Variants in CCDC91 observed in about 807,000 individuals in gnomAD.
CCDC91 encodes the protein coiled-coil domain containing 91.
A neutral mutation model predicts 63.2 loss-of-function variants in CCDC91; 48 were observed. The observed-to-expected ratio is 0.76, with a 90% CI of 0.60 to 0.97. The LOEUF (loss-of-function observed/expected upper bound fraction) is 0.97, where lower values mean the gene tolerates loss of function less well. Among genes scored for constraint, CCDC91 ranks in the 50% least tolerant of loss-of-function variants. CCDC91 has a pLI of 0.00. For synonymous variants in CCDC91, 167 were observed against 165.8 expected, an observed-to-expected ratio of 1.01 and a Z score of -0.06; for missense variants, 500 against 494.6, an observed-to-expected ratio of 1.01 and a Z score of -0.10.
intron 12 of CCDC91, among the ~76,000 whole-genome samples, chr12:28,491,345 G>C (rs1365124529): frequency 6.6e-6 from 1 of 151,676 alleles, no homozygotes; most frequent in Non-Finnish European, 1.5e-5. Flanking sequence ...AGTTGTGCGA[G>C]ACCAGAAGCA....
chr12:28,240,831 A>T (rs1592079898), intron 1 of CCDC91, among the ~76,000 whole-genome samples: 1 of 152,194 alleles, frequency 6.6e-6, no homozygotes, highest in African/African-American at 2.4e-5. Flanking sequence ...ATGAACAATC[A>T]TGTACTGATT....
chr12:28,417,573 A>G (rs1947744126), intron 8 of CCDC91, among the ~76,000 whole-genome samples: 1 of 151,508 alleles, frequency 6.6e-6, no homozygotes, highest in Non-Finnish European at 1.5e-5. Context: ...GCATAAATGT[A>G]TATATTAAAA....
intron 1 of CCDC91, among the ~76,000 whole-genome samples, chr12:28,254,772 C>CTTTTTT (rs34812000): frequency 1.6e-5 from 2 of 128,828 alleles, no homozygotes; most frequent in Non-Finnish European, 3.2e-5. Flanking sequence ...GTATCATCTG[C>CTTTTTT]TTTTTTTTTT....
intron 1 of CCDC91, among the ~76,000 whole-genome samples, chr12:28,231,804 G>A (rs1255751948): frequency 6.6e-6 from 1 of 152,114 alleles, no homozygotes; most frequent in African/African-American, 2.4e-5. Flanking sequence ...AGTGGCTGGA[G>A]ATATCACATA....
At chr12:28,244,350 A>G in intron 1 of CCDC91, among the ~76,000 whole-genome samples, 1 of 152,166 alleles carries the variant, frequency 6.6e-6, no homozygotes, top group East Asian at 1.9e-4. Context: ...AGATTCTCTT[A>G]AAGTCAGAAA....
chr12:28,247,640 G>C (rs568075857), intron 1 of CCDC91, among the ~76,000 whole-genome samples: 8 of 152,286 alleles, frequency 5.3e-5, no homozygotes, highest in African/African-American at 1.9e-4. Context: ...TTTGGAGTTT[G>C]ATGCTATAAA....
chr12:28,261,455 A>G (rs1391670881), intron 3 of CCDC91, among the ~76,000 whole-genome samples: 2 of 151,942 alleles, frequency 1.3e-5, no homozygotes, highest in East Asian at 3.8e-4. Flanking sequence ...TAGTGCTGCA[A>G]CACAGAAATT....
At chr12:28,219,500 C>G (rs1774446936) in intron 1 of CCDC91, among the ~76,000 whole-genome samples, 1 of 124,166 alleles carries the variant, frequency 8.1e-6, no homozygotes, top group African/African-American at 3.2e-5. Flanking sequence ...GAGATGGAGT[C>G]TCACTCTTTC....
intron 11 of CCDC91, among the ~76,000 whole-genome samples, chr12:28,460,414 G>A (rs1322045453): frequency 2.6e-5 from 4 of 152,118 alleles, no homozygotes; most frequent in African/African-American, 4.8e-5. Flanking sequence ...ATGTGCTAAG[G>A]AGTAAAGAGG....
At chr12:28,259,466 T>A in intron 3 of CCDC91, 24 bp downstream of exon 3, 2 of 740,198 alleles carry the variant, frequency 2.7e-6, no homozygotes, top group Non-Finnish European at 3.8e-6. Flanking sequence ...GGAATTAGGG[T>A]TTTTTTTTTT....
At chr12:28,508,997 T>C (rs968544010) in intron 12 of CCDC91, among the ~76,000 whole-genome samples, 8 of 152,100 alleles carry the variant, frequency 5.3e-5, no homozygotes, top group African/African-American at 1.7e-4. Context: ...TCCATCATTC[T>C]GTTAGGCCAG....
chr12:28,488,968 A>T (rs1482557339), intron 12 of CCDC91, among the ~76,000 whole-genome samples: 1 of 151,930 alleles, frequency 6.6e-6, no homozygotes, highest in East Asian at 1.9e-4. Context: ...TTTAATTGAA[A>T]CATACATTCA....
intron 1 of CCDC91, among the ~76,000 whole-genome samples, chr12:28,193,034 A>G (rs1175022210): frequency 2.6e-5 from 4 of 152,128 alleles, no homozygotes; most frequent in African/African-American, 4.8e-5. Context: ...CTTTCACTTA[A>G]TGCTTTGATT....
chr12:28,539,753 A>T (rs568070062), intron 12 of CCDC91, among the ~76,000 whole-genome samples: 31 of 152,252 alleles, frequency 2.0e-4, no homozygotes, highest in African/African-American at 7.0e-4. Flanking sequence ...CAGTGATTTT[A>T]AGAGTACCGA....
rs187410062 is a variant in CCDC91, at chr12:28,281,693, G to A, written c.109+22251G>A. On this transcript the variant is annotated intron_variant, in intron 3 of 12. Coordinates refer to ENST00000536442, the MANE Select transcript of CCDC91 (RefSeq NM_018318.5). ...CTATAATAATTATTATTTTTCCTTA[G>A]TCTGCCATTAGCAACAGTGTTGTTA... Among the ~76,000 whole-genome samples the A allele has an allele frequency of 1.1e-4, 16 of 152,084 alleles. No individual in the cohort carries two copies. In the East Asian group the frequency reaches 2.5e-3, roughly 24 times the overall value.
rs1478602493 is a variant in CCDC91 at position 28,452,516 on chromosome 12, C to T, written c.963C>T (p.Val321=). The change falls in exon 11 of 13, where the codon GTC becomes GTT. Residue 321 remains valine (V), a synonymous_variant. Transcript: ENST00000536442. ...CAGTGAAGGATGCAGTTTTAAAAGT[C>T]GTAGAAGAAGAAAGAAAAAATTTAG... ...KEAVKDAVLK[V]VEEERKNLEK... 1.3e-5 allele frequency: 20 copies of T among 1,580,676 alleles called. No homozygotes were observed. Among genetic ancestry groups the T allele is most frequent in the African/African-American group, 4.1e-5 (3 of 72,494 alleles).
At chr12:28,480,435 A>C (rs1237389099) in intron 11 of CCDC91, among the ~76,000 whole-genome samples, 2 of 152,182 alleles carry the variant, frequency 1.3e-5, no homozygotes, top group Non-Finnish European at 2.9e-5. Flanking sequence ...TTTCACAAAT[A>C]AATTAGAAAC....
At chr12:28,308,724 G>A (rs1219761081) in intron 6 of CCDC91, among the ~76,000 whole-genome samples, 1 of 151,916 alleles carries the variant, frequency 6.6e-6, no homozygotes, top group East Asian at 1.9e-4. Flanking sequence ...AGACAATGCT[G>A]ACATCCTCTC....
chr12:28,334,655 G>A (rs2137772857), intron 6 of CCDC91, among the ~76,000 whole-genome samples: 2 of 152,198 alleles, frequency 1.3e-5, no homozygotes, highest in South Asian at 4.1e-4. Context: ...TACTCCTTAG[G>A]ATACATTTTT....
Sources: allele counts gnomAD v4.1 joint callset (sites outside exome capture counted in the v4.1 genomes callset), GRCh38; gene constraint gnomAD v4.1.1; transcripts MANE v1.5; gene names NCBI Gene and HGNC (gene_info 2026-07-23, HGNC 2026-07-21).